TAFA2: variants seen among roughly 807,000 people sequenced by gnomAD.
TAFA2 encodes the protein TAFA chemokine like family member 2, also known as chemokine-like protein TAFA-2.
In TAFA2, 7 loss-of-function variants were observed where a neutral mutation model predicts 18.8. That is an observed-to-expected ratio of 0.37 (90% CI 0.21 to 0.70). The LOEUF (loss-of-function observed/expected upper bound fraction) is 0.70, where lower values mean the gene tolerates loss of function less well. Among genes scored for constraint, TAFA2 ranks in the 30% least tolerant of loss-of-function variants. The pLI is 0.53. For synonymous variants in TAFA2, 60 were observed against 54.2 expected (o/e 1.11, Z -0.47); for missense variants, 122 against 158.1 (o/e 0.77, Z 1.23).
intron 1 of TAFA2, among the ~76,000 whole-genome samples, chr12:62,053,784 T>C (rs1448784467): frequency 6.6e-6 from 1 of 152,216 alleles, no homozygotes; most frequent in Non-Finnish European, 1.5e-5. Context: ...GCAAGTTATT[T>C]AACCTGGCTC....
intron 1 of TAFA2, among the ~76,000 whole-genome samples, chr12:62,056,473 C>G (rs995945121): frequency 6.6e-6 from 1 of 152,188 alleles, no homozygotes; most frequent in Non-Finnish European, 1.5e-5. Context: ...CATGGCATAA[C>G]CAGTCAGTGA....
intron 2 of TAFA2, among the ~76,000 whole-genome samples, chr12:61,769,531 G>T (rs1287820721): frequency 6.6e-6 from 1 of 152,022 alleles, no homozygotes; most frequent in Non-Finnish European, 1.5e-5. Context: ...GATATTCACA[G>T]ATGAGAGACC....
Position 61,754,995 on chromosome 12 carries a change from C to T in TAFA2, c.136G>A (p.Val46Met). 6.2e-7 allele frequency: 1 copy of T among 1,612,816 alleles called. No homozygotes were observed. The highest frequency in any genetic ancestry group is 8.5e-7 in the Non-Finnish European group (1 of 1,179,306). The stretch of plus-strand genomic sequence containing the variant: ...TTACAGCATCTGTGGAGTGCCACCA[C>T]CTCACAAGTTCCCGTTTTAACATGG... ...AHHVKTGTCEVVALHRCCNKN... is the reference protein window; with the variant it reads ...AHHVKTGTCEMVALHRCCNKN... Residue 46 changes from valine (V) to methionine (M), a missense_variant, in exon 3 of 5, where the codon GTG becomes ATG. This residue lies in a region of TAFA2 where 62 missense variants were observed against 55.5 expected (regional missense o/e 1.12). Coordinates refer to ENST00000416284, the MANE Select transcript of TAFA2 (RefSeq NM_178539.5).
At chr12:61,927,273 T>C (rs1476962673) in intron 1 of TAFA2, among the ~76,000 whole-genome samples, 1 of 152,078 alleles carries the variant, frequency 6.6e-6, no homozygotes, top group Non-Finnish European at 1.5e-5. Context: ...ACCCATCGTC[T>C]CAGCCCAAAA....
At chr12:61,992,180 C>T (rs1351752423) in intron 1 of TAFA2, among the ~76,000 whole-genome samples, 1 of 152,180 alleles carries the variant, frequency 6.6e-6, no homozygotes, top group Non-Finnish European at 1.5e-5. Flanking sequence ...AGACACATAA[C>T]CTACTACTAG....
intron 2 of TAFA2, 106 bp downstream of exon 2, chr12:61,867,214 C>G: frequency 1.4e-6 from 1 of 721,770 alleles, no homozygotes; most frequent in Non-Finnish European, 2.4e-6. Flanking sequence ...GGGGGAGAAT[C>G]TATACCTAGT....
intron 1 of TAFA2, among the ~76,000 whole-genome samples, chr12:62,211,880 C>A (rs2062715791): frequency 6.6e-6 from 1 of 152,146 alleles, no homozygotes. Context: ...TGACTCCTTT[C>A]CTGAAAGTTC....
intron 1 of TAFA2, among the ~76,000 whole-genome samples, chr12:61,922,589 T>C (rs1877100323): frequency 6.6e-6 from 1 of 152,160 alleles, no homozygotes; most frequent in Admixed American, 6.5e-5. Flanking sequence ...TTTCCCATGG[T>C]CTTTGCAACC....
intron 2 of TAFA2, among the ~76,000 whole-genome samples, chr12:61,776,698 G>A (rs1484323205): frequency 6.6e-6 from 1 of 151,576 alleles, no homozygotes; most frequent in East Asian, 2.0e-4. Context: ...GCTCCCTTCT[G>A]GTTCTAAATT....
At chr12:61,787,149 G>A (rs1239068200) in intron 2 of TAFA2, among the ~76,000 whole-genome samples, 1 of 151,016 alleles carries the variant, frequency 6.6e-6, no homozygotes. Flanking sequence ...GAGAAAATGG[G>A]ATGACACATT....
intron 1 of TAFA2, among the ~76,000 whole-genome samples, chr12:61,940,744 G>T (rs1048674175): frequency 6.6e-6 from 1 of 152,160 alleles, no homozygotes; most frequent in Non-Finnish European, 1.5e-5. Context: ...CTTGAGGAAA[G>T]GTCTGAAGAG....
At chr12:62,128,471 G>A (rs1194573596) in intron 1 of TAFA2, among the ~76,000 whole-genome samples, 1 of 151,934 alleles carries the variant, frequency 6.6e-6, no homozygotes, top group Non-Finnish European at 1.5e-5. Context: ...TAACAGAAAG[G>A]GCTAAAAACA....
chr12:61,935,053 T>G (rs1325352578), intron 1 of TAFA2, among the ~76,000 whole-genome samples: 1 of 152,160 alleles, frequency 6.6e-6, no homozygotes, highest in East Asian at 1.9e-4. Context: ...AATTATTGAC[T>G]GTACAGCACC....
chr12:61,824,835 T>G (rs555524308), intron 2 of TAFA2, among the ~76,000 whole-genome samples: 21 of 152,308 alleles, frequency 1.4e-4, no homozygotes, highest in Admixed American at 1.2e-3. Flanking sequence ...TATAACTTTG[T>G]CGCACTAAGT....
Position 62,159,120 on chromosome 12 carries a change from G to A in TAFA2, c.-2+32139C>T, listed in dbSNP as rs144833306. Among the ~76,000 whole-genome samples the A allele has an allele frequency of 9.5e-3, 1,452 of 152,244 alleles. 20 individuals are homozygous for A. Among genetic ancestry groups the A allele is most frequent in the Middle Eastern group, 0.044 (13 of 294 alleles). ...CCATGGTATAATTTAGCATGGCACT[G>A]AAGAGCTCTTCTGTTTCTGTAAATG... is the stretch of plus-strand genomic sequence containing the variant. On this transcript the variant is annotated intron_variant, in intron 1 of 4. Coordinates refer to ENST00000416284, the MANE Select transcript of TAFA2 (RefSeq NM_178539.5).
At chr12:61,817,897 T>G (rs931933113) in intron 2 of TAFA2, among the ~76,000 whole-genome samples, 2 of 152,170 alleles carry the variant, frequency 1.3e-5, no homozygotes, top group African/African-American at 4.8e-5. Flanking sequence ...CTCAGAAACT[T>G]TAAATCACAG....
intron 1 of TAFA2, among the ~76,000 whole-genome samples, chr12:62,035,965 C>T (rs1046115892): frequency 2.6e-5 from 4 of 151,774 alleles, no homozygotes; most frequent in Admixed American, 6.6e-5. Context: ...TGGTCTCGAT[C>T]TCCTGACCTC....
intron 1 of TAFA2, among the ~76,000 whole-genome samples, chr12:62,216,891 T>C (rs2062738048): frequency 6.6e-6 from 1 of 152,202 alleles, no homozygotes; most frequent in Non-Finnish European, 1.5e-5. Flanking sequence ...GAAGTTAGCA[T>C]ATACATTACG....
At chr12:61,813,888 A>G (rs1592406747) in intron 2 of TAFA2, among the ~76,000 whole-genome samples, 1 of 151,524 alleles carries the variant, frequency 6.6e-6, no homozygotes, top group South Asian at 2.1e-4. Context: ...CACATAAAGT[A>G]TATAATACAC....
Sources: allele counts gnomAD v4.1 joint callset (sites outside exome capture counted in the v4.1 genomes callset), GRCh38; gene constraint gnomAD v4.1.1; regional missense constraint gnomAD v4.1.1; transcripts MANE v1.5; gene names NCBI Gene and HGNC (gene_info 2026-07-23, HGNC 2026-07-21).